TPGS2: variants seen among roughly 807,000 people sequenced by gnomAD.
TPGS2 encodes tubulin polyglutamylase complex subunit 2.
Under a neutral mutation model 31.1 loss-of-function variants are expected in TPGS2, and 26 were observed. The observed-to-expected ratio is 0.84, with a 90% CI of 0.61 to 1.16. TPGS2 has a LOEUF of 1.16. Among genes scored for constraint, TPGS2 ranks in the 50% most tolerant of loss-of-function variants. The pLI, the probability that TPGS2 is intolerant of heterozygous loss-of-function variation, is 0.00. For synonymous variants in TPGS2, 130 were observed against 136.6 expected (o/e 0.95, Z 0.34); for missense variants, 351 against 363.8 (o/e 0.96, Z 0.29).
At chr18:36,823,784 G>A (rs983034011) in intron 1 of TPGS2, 2 of 977,254 alleles carry the variant, frequency 2.0e-6, no homozygotes, top group African/African-American at 1.7e-5. Context: ...AAGGGCTTAT[G>A]TGATTAGATT....
At position 36,795,172 on chromosome 18, in the gene TPGS2, A is replaced by C. The variant is rs1452077754; in HGVS notation, c.*1633T>G. 10 of 985,104 alleles carry C rather than the reference A, an allele frequency of 1.0e-5. No individual in the cohort carries two copies. In the African/African-American group the frequency reaches 1.7e-4, roughly 17 times the overall value. The allele number at this position is 985,104 out of a possible 1,614,324, so 61.0% of individuals were successfully genotyped here. ...CGAAGGCGCTTTCTCATGAATATCT[A>C]TCACTATTGTCAACAATCAAAATAA... On this transcript the variant is annotated 3_prime_UTR_variant, in exon 7 of 7. Coordinates refer to ENST00000334295, the MANE Select transcript of TPGS2 (RefSeq NM_015476.4).
At chr18:36,798,374 A>G in intron 6 of TPGS2, 75 bp downstream of exon 6, 1 of 1,596,774 alleles carries the variant, frequency 6.3e-7, no homozygotes, top group Non-Finnish European at 8.6e-7. Flanking sequence ...GAAGTTGGGA[A>G]CCTGCAATGT....
chr18:36,823,087 A>C (rs1182366607), intron 1 of TPGS2, among the ~76,000 whole-genome samples: 1 of 152,226 alleles, frequency 6.6e-6, no homozygotes, highest in Non-Finnish European at 1.5e-5. Flanking sequence ...TAGCAGCTTT[A>C]AACAACACCC....
chr18:36,786,809 T>G (rs1238613146), intron 6 of TPGS2: 5 of 1,234,114 alleles, frequency 4.1e-6, no homozygotes, highest in Non-Finnish European at 4.0e-6. Flanking sequence ...TTGGAGAGTT[T>G]TATTTGTAGT....
At chr18:36,814,381 G>T (rs1383875463) in intron 2 of TPGS2, among the ~76,000 whole-genome samples, 1 of 152,014 alleles carries the variant, frequency 6.6e-6, no homozygotes, top group African/African-American at 2.4e-5. Flanking sequence ...TATTTAAGAA[G>T]AAAAAATGGT....
chr18:36,828,682 C>G lies in TPGS2; in HGVS notation c.85+1G>C. ...CTCGGCACCGTGCCCCCTTTCCTCA[C>G]CTAGGATGCGCGTGATGCCCAGGGT... On this transcript the variant is annotated splice_donor_variant, in intron 1 of 6. Coordinates refer to ENST00000334295, the MANE Select transcript of TPGS2 (RefSeq NM_015476.4). LOFTEE classifies it high-confidence loss of function. 6.2e-7 allele frequency: 1 copy of G among 1,614,114 alleles called. No individual in the cohort carries two copies. The highest frequency in any genetic ancestry group is 8.5e-7 in the Non-Finnish European group (1 of 1,179,982).
chr18:36,780,664 A>C (rs2043987768), downstream of TPGS2, among the ~76,000 whole-genome samples: 2 of 152,222 alleles, frequency 1.3e-5, no homozygotes, highest in Admixed American at 6.5e-5. Flanking sequence ...GTTGCTCCTA[A>C]GCCACAAATC....
intron 2 of TPGS2, among the ~76,000 whole-genome samples, chr18:36,810,072 T>G (rs551146075): frequency 6.6e-6 from 1 of 152,220 alleles, no homozygotes; most frequent in South Asian, 2.1e-4. Flanking sequence ...GTAAACCAAA[T>G]TCATGAAAAA....
At chr18:36,807,193 T>C (rs1408651842) in intron 3 of TPGS2, among the ~76,000 whole-genome samples, 1 of 152,160 alleles carries the variant, frequency 6.6e-6, no homozygotes, top group Non-Finnish European at 1.5e-5. Context: ...TTCTAGACTA[T>C]GAAATGTTTT....
chr18:36,820,470 A>G (rs2045847966), intron 1 of TPGS2, among the ~76,000 whole-genome samples: 1 of 152,230 alleles, frequency 6.6e-6, no homozygotes, highest in South Asian at 2.1e-4. Context: ...AGACTCCTAT[A>G]TCCGACACAG....
chr18:36,818,336 AAG>A (rs1305249400), intron 2 of TPGS2, among the ~76,000 whole-genome samples: 3 of 152,074 alleles, frequency 2.0e-5, no homozygotes, highest in African/African-American at 7.2e-5. Flanking sequence ...CAGTAAGATC[AAG>A]AGGCAAAAAC....
At position 36,796,831 on chromosome 18, in the gene TPGS2, CAGAGGAGGATTTAGA is replaced by C; in HGVS notation, c.862_876del (p.Ser288_Ser292del). 3 of 1,599,196 alleles carry C rather than the reference CAGAGGAGGATTTAGA, an allele frequency of 1.9e-6. No individual in the cohort carries two copies. Among genetic ancestry groups the C allele is most frequent in the Non-Finnish European group, 2.6e-6 (3 of 1,175,878 alleles). ...CACTTCCGGGTGGGGTTTCCAGAGC[CAGAGGAGGATTTAGA>C]AGTGGAGGAAGTGGAGGGACCGGAG... On this transcript the variant is annotated inframe_deletion, in exon 7 of 7. Transcript: ENST00000334295.
chr18:36,784,515 T>C (rs1169908736), intron 6 of TPGS2, among the ~76,000 whole-genome samples: 1 of 152,252 alleles, frequency 6.6e-6, no homozygotes, highest in Non-Finnish European at 1.5e-5. Flanking sequence ...AGGTATATGA[T>C]ATTAAAATGC....
Position 36,809,387 on chromosome 18 carries a change from C to G in TPGS2, c.166-1453G>C, listed in dbSNP as rs551577362. 1.9e-4 allele frequency among the ~76,000 whole-genome samples: 29 copies of G among 152,296 alleles called. No individual in the cohort carries two copies. In the East Asian group the frequency reaches 5.2e-3, roughly 27 times the overall value. ...TTTTAGATTATTAAATGGACAACAG[C>G]TGTCATTTTAATGAAACAGGTTTTA... On this transcript the variant is annotated intron_variant, in intron 2 of 6. Coordinates refer to ENST00000334295, the MANE Select transcript of TPGS2 (RefSeq NM_015476.4).
At chr18:36,792,929 T>C (rs550392315), downstream of TPGS2, among the ~76,000 whole-genome samples, 7 of 152,382 alleles carry the variant, frequency 4.6e-5, no homozygotes, top group East Asian at 1.2e-3. Context: ...TCCTGGGCAG[T>C]TGATTTATAA....
chr18:36,793,628 G>A (rs1277583438), downstream of TPGS2, among the ~76,000 whole-genome samples: 1 of 152,194 alleles, frequency 6.6e-6, no homozygotes, highest in Non-Finnish European at 1.5e-5. Flanking sequence ...TGTTTCTACT[G>A]TTGTGGCAAG....
At chr18:36,828,601 C>A in intron 1 of TPGS2, 82 bp downstream of exon 1, 1 of 1,496,062 alleles carries the variant, frequency 6.7e-7, no homozygotes, top group Non-Finnish European at 9.3e-7. Flanking sequence ...GCCAGCGTCG[C>A]ACCGCTCACC....
At chr18:36,781,488 C>A (rs777340036), downstream of TPGS2, among the ~76,000 whole-genome samples, 1 of 152,058 alleles carries the variant, frequency 6.6e-6, no homozygotes, top group Non-Finnish European at 1.5e-5. Context: ...CCTGTCTCTA[C>A]TAAAAATATA....
chr18:36,784,577 G>GT (rs1042198297), intron 6 of TPGS2, among the ~76,000 whole-genome samples: 1 of 152,188 alleles, frequency 6.6e-6, no homozygotes, highest in Admixed American at 6.5e-5. Flanking sequence ...AATCAGTTGT[G>GT]TTTGCTAGAC....
Sources: gnomAD v4.1 joint callset for allele counts (sites outside exome capture counted in the v4.1 genomes callset) on GRCh38, gnomAD v4.1.1 for gene constraint, MANE v1.5 for transcripts, NCBI Gene and HGNC (gene_info 2026-07-23, HGNC 2026-07-21) for gene names.